THSD7B: variants seen among roughly 807,000 people sequenced by gnomAD.
The protein encoded by THSD7B is thrombospondin type 1 domain containing 7B.
In THSD7B, 138 loss-of-function variants were observed where a neutral mutation model predicts 213.6. That is an observed-to-expected ratio of 0.65 (90% confidence interval 0.56 to 0.74). The LOEUF (loss-of-function observed/expected upper bound fraction) is 0.74. Ranked by LOEUF, THSD7B falls within the 30% of genes least tolerant of loss-of-function variation. The pLI is 0.00. For missense variants in THSD7B, 1,931 were observed against 1,991.5 expected (o/e 0.97, Z 0.58); for synonymous variants, 742 against 687.0 (o/e 1.08, Z -1.25).
chr2:136,962,895 G>A (rs1685249923), intron 2 of THSD7B, among the ~76,000 whole-genome samples: 1 of 152,040 alleles, frequency 6.6e-6, no homozygotes, highest in Non-Finnish European at 1.5e-5. Context: ...TTTGAAAGAA[G>A]AATGAAAACT....
chr2:137,533,968 AG>A (rs1241890102), intron 15 of THSD7B, among the ~76,000 whole-genome samples: 2 of 151,466 alleles, frequency 1.3e-5, no homozygotes, highest in African/African-American at 4.8e-5. Flanking sequence ...CCTTTAAAAA[AG>A]TATTTATTAA....
intron 2 of THSD7B, among the ~76,000 whole-genome samples, chr2:136,921,593 C>T (rs1231774818): frequency 1.3e-5 from 2 of 152,120 alleles, no homozygotes; most frequent in South Asian, 2.1e-4. Context: ...TAACTATTGA[C>T]AGTACTGCCT....
chr2:137,085,164 T>G (rs1052593285), intron 3 of THSD7B, among the ~76,000 whole-genome samples: 1 of 152,218 alleles, frequency 6.6e-6, no homozygotes, highest in Non-Finnish European at 1.5e-5. Flanking sequence ...TAAAGACTTA[T>G]GGATACTGGC....
rs565303548 is a variant in THSD7B at position 136,966,408 on chromosome 2, G to T, written c.139+84091G>T. Reference sequence around the variant, plus strand: ...AGTTTTTGTGTTTTTGTAGAGACAGGGTTTTACCGTATCACTCAGGGTGGT... The same window carrying T: ...AGTTTTTGTGTTTTTGTAGAGACAGTGTTTTACCGTATCACTCAGGGTGGT... On this transcript the variant is annotated intron_variant, in intron 2 of 27. Coordinates refer to ENST00000409968, the MANE Select transcript of THSD7B (RefSeq NM_001316349.2). Among the ~76,000 whole-genome samples the T allele has an allele frequency of 3.9e-5, 6 of 152,068 alleles. No individual in the cohort carries two copies. The South Asian group carries it at 6.2e-4, about 16-fold the overall frequency.
At chr2:136,893,177 C>T (rs1407623263) in intron 2 of THSD7B, among the ~76,000 whole-genome samples, 1 of 151,978 alleles carries the variant, frequency 6.6e-6, no homozygotes, top group South Asian at 2.1e-4. Context: ...AATAATTGAC[C>T]CAGGTATCCT....
chr2:137,147,528 GTT>G (rs375664605), intron 5 of THSD7B, among the ~76,000 whole-genome samples: 1 of 147,568 alleles, frequency 6.8e-6, no homozygotes, highest in Non-Finnish European at 1.5e-5. Flanking sequence ...ACCTTGTCTG[GTT>G]TTTTTTTTGT....
intron 20 of THSD7B, chr2:137,642,271 G>A (rs1466584259): frequency 2.0e-6 from 1 of 500,372 alleles, no homozygotes; most frequent in African/African-American, 2.0e-5. Flanking sequence ...AAAAGAAGTA[G>A]AAGACAGAAT....
At position 137,136,101 on chromosome 2, in the gene THSD7B, A is replaced by G. The variant is rs1208660984; in HGVS notation, c.1369+20808A>G. 4.6e-5 allele frequency among the ~76,000 whole-genome samples: 7 copies of G among 152,260 alleles called. No homozygotes were observed. In the South Asian group the frequency reaches 1.2e-3, roughly 27 times the overall value. ...CTTACTCATAAGTGGGAATTGAACA[A>G]TGAGAACACATGGACACAGGGGAAC... On this transcript the variant is annotated intron_variant, in intron 5 of 27. Coordinates refer to ENST00000409968, the MANE Select transcript of THSD7B (RefSeq NM_001316349.2).
chr2:137,084,952 C>G lies in THSD7B; in HGVS notation c.951-9921C>G, dbSNP rs138339044. Among the ~76,000 whole-genome samples the G allele has an allele frequency of 5.2e-4, 79 of 152,172 alleles. 1 individual carries two copies. The East Asian group carries it at 0.014, about 28-fold the overall frequency. On this transcript the variant is annotated intron_variant, in intron 3 of 27. Coordinates refer to ENST00000409968, the MANE Select transcript of THSD7B (RefSeq NM_001316349.2). The stretch of plus-strand genomic sequence containing the variant: ...GTGTTCAATGGTCCTAAAAATTACC[C>G]CCTTACCTAGAGAAGATAGTGTTAG...
Position 137,411,812 on chromosome 2 carries a change from G to A in THSD7B, c.2899G>A (p.Ala967Thr). Residue 967 changes from alanine (A) to threonine (T), a missense_variant, in exon 14 of 28, where the codon GCA becomes ACA. Coordinates refer to ENST00000409968, the MANE Select transcript of THSD7B (RefSeq NM_001316349.2). ...KECGEGLRFR[A>T]VACSDKNGRP... ...ATGTGGAGAAGGCCTGCGCTTTCGA[G>A]CAGTAGCCTGTTCTGATAAAAATGG... 1 of 1,614,000 alleles carries A rather than the reference G, an allele frequency of 6.2e-7. No individual in the cohort carries two copies. The highest frequency in any genetic ancestry group is 8.5e-7 in the Non-Finnish European group (1 of 1,179,896).
intron 12 of THSD7B, among the ~76,000 whole-genome samples, chr2:137,404,553 A>G (rs1686463870): frequency 1.1e-5 from 1 of 94,212 alleles, no homozygotes; most frequent in South Asian, 3.8e-4. Context: ...CATACTATAT[A>G]TTTATATACA....
At chr2:137,028,981 TA>T (rs1392389744) in intron 2 of THSD7B, among the ~76,000 whole-genome samples, 1 of 151,970 alleles carries the variant, frequency 6.6e-6, no homozygotes, top group Non-Finnish European at 1.5e-5. Context: ...TTGATCTCTG[TA>T]AATTTTATAA....
At chr2:137,398,766 G>A (rs558594537) in intron 12 of THSD7B, among the ~76,000 whole-genome samples, 9 of 152,290 alleles carry the variant, frequency 5.9e-5, no homozygotes, top group Non-Finnish European at 7.4e-5. Context: ...CCCCAGCCTC[G>A]CTGCTGCCTT....
chr2:137,563,152 A>G (rs903084528), intron 15 of THSD7B, 69 bp from the exon 16 acceptor site: 6 of 1,536,628 alleles, frequency 3.9e-6, no homozygotes, highest in Admixed American at 3.7e-5. Context: ...AAGCATTACT[A>G]AAAGATAGGC....
At chr2:137,403,401 G>A (rs1266517897) in intron 12 of THSD7B, among the ~76,000 whole-genome samples, 2 of 152,200 alleles carry the variant, frequency 1.3e-5, no homozygotes, top group Admixed American at 6.5e-5. Flanking sequence ...GAGCCCATAT[G>A]TACACTTACC....
chr2:136,804,328 A>G (rs901809765), intron 1 of THSD7B, among the ~76,000 whole-genome samples: 4 of 151,788 alleles, frequency 2.6e-5, no homozygotes, highest in African/African-American at 9.7e-5. Flanking sequence ...TTGAAACTTA[A>G]TGTTGGTTTG....
intron 3 of THSD7B, among the ~76,000 whole-genome samples, chr2:137,066,386 G>A (rs1687382574): frequency 6.6e-6 from 1 of 151,850 alleles, no homozygotes; most frequent in Admixed American, 6.6e-5. Flanking sequence ...TAGAGACGGG[G>A]TTTCACCATG....
chr2:137,291,186 T>A (rs983109360), intron 12 of THSD7B, among the ~76,000 whole-genome samples: 1 of 152,158 alleles, frequency 6.6e-6, no homozygotes, highest in Non-Finnish European at 1.5e-5. Context: ...AAATCTTACC[T>A]TTCTTAACTT....
intron 7 of THSD7B, among the ~76,000 whole-genome samples, chr2:137,196,513 T>A (rs561672847): frequency 2.0e-5 from 3 of 151,802 alleles, no homozygotes; most frequent in African/African-American, 7.2e-5. Flanking sequence ...CATGTCATAG[T>A]TTGATCCCTA....
Sources: allele counts gnomAD v4.1 joint callset (sites outside exome capture counted in the v4.1 genomes callset), GRCh38; gene constraint gnomAD v4.1.1; transcripts MANE v1.5; gene names NCBI Gene and HGNC (gene_info 2026-07-23, HGNC 2026-07-21).